Variants in GRID2 observed in about 807,000 individuals in gnomAD.
GRID2 encodes glutamate receptor ionotropic, delta-2.
In GRID2, 33 loss-of-function variants were observed where a neutral mutation model predicts 114.8. The observed-to-expected ratio is 0.29, with a 90% CI of 0.22 to 0.38. GRID2 has a LOEUF of 0.38. Among genes scored for constraint, GRID2 ranks in the 10% least tolerant of loss-of-function variants. The pLI, the probability that GRID2 is intolerant of heterozygous loss-of-function variation, is 1.00. For missense variants in GRID2, 1,184 were observed against 1,257.7 expected, an observed-to-expected ratio of 0.94 and a Z score of 0.89; for synonymous variants, 505 against 449.9, an observed-to-expected ratio of 1.12 and a Z score of -1.55.
intron 14 of GRID2, among the ~76,000 whole-genome samples, chr4:93,760,377 G>T (rs1733103477): frequency 6.6e-6 from 1 of 151,948 alleles, no homozygotes. Flanking sequence ...ACATTGTTTT[G>T]TGAATAAACC....
chr4:92,531,957 T>C (rs1371619362), intron 1 of GRID2, among the ~76,000 whole-genome samples: 4 of 152,166 alleles, frequency 2.6e-5, no homozygotes, highest in African/African-American at 9.7e-5. Flanking sequence ...TTCCAAGATA[T>C]GCCAATGTGT....
At chr4:93,428,176 C>G (rs1769035940) in intron 10 of GRID2, among the ~76,000 whole-genome samples, 1 of 151,904 alleles carries the variant, frequency 6.6e-6, no homozygotes. Context: ...AAGGGCAAGC[C>G]AGTATATTCA....
chr4:93,677,835 A>G (rs1176056609), intron 14 of GRID2, among the ~76,000 whole-genome samples: 1 of 152,160 alleles, frequency 6.6e-6, no homozygotes. Context: ...TGGGGAAAAA[A>G]CAAAGCAGAA....
chr4:92,328,939 A>G (rs1464463847), intron 1 of GRID2, among the ~76,000 whole-genome samples: 2 of 152,002 alleles, frequency 1.3e-5, no homozygotes, highest in African/African-American at 4.8e-5. Context: ...AGCAGAAAAG[A>G]GAAGATTGGA....
chr4:92,660,634 T>G (rs2149268853), intron 2 of GRID2, among the ~76,000 whole-genome samples: 1 of 151,344 alleles, frequency 6.6e-6, no homozygotes, highest in African/African-American at 2.4e-5. Flanking sequence ...TAAAAGGTAA[T>G]TCCTTACTTG....
intron 1 of GRID2, among the ~76,000 whole-genome samples, chr4:92,559,662 C>T (rs918189557): frequency 6.6e-6 from 1 of 152,090 alleles, no homozygotes; most frequent in South Asian, 2.1e-4. Context: ...ACTGTCTATG[C>T]ATAAACAAAG....
chr4:93,480,142 TAGG>T (rs1725706273), intron 11 of GRID2, among the ~76,000 whole-genome samples: 1 of 152,078 alleles, frequency 6.6e-6, no homozygotes. Flanking sequence ...TTTTCTAAAC[TAGG>T]AGAATACTTA....
At chr4:92,957,251 T>A (rs1752472679) in intron 2 of GRID2, among the ~76,000 whole-genome samples, 1 of 152,264 alleles carries the variant, frequency 6.6e-6, no homozygotes, top group African/African-American at 2.4e-5. Flanking sequence ...TGATTTTTTT[T>A]TCTATGTTAT....
At chr4:93,463,786 G>C (rs532252946) in intron 11 of GRID2, among the ~76,000 whole-genome samples, 1 of 152,112 alleles carries the variant, frequency 6.6e-6, no homozygotes, top group East Asian at 2.0e-4. Context: ...TCAGGAGATC[G>C]AGACCATCCT....
At chr4:92,802,406 C>T (rs966493901) in intron 2 of GRID2, among the ~76,000 whole-genome samples, 3 of 151,766 alleles carry the variant, frequency 2.0e-5, no homozygotes, top group African/African-American at 7.3e-5. Flanking sequence ...TAGTGTTATA[C>T]GAAATTGTTT....
In GRID2 at chr4:92,829,224, T is replaced by C. The variant is rs183943934; in HGVS notation, c.244+238938T>C. Among the ~76,000 whole-genome samples the C allele has an allele frequency of 2.0e-5, 3 of 152,326 alleles. No homozygotes were observed. In the East Asian group the frequency reaches 5.8e-4, roughly 29 times the overall value. ...TAAGGAAGGGATCCAGTTTTCTGTT[T>C]TCTGCATATGGCTAGCCAGTTTTCC... On this transcript the variant is annotated intron_variant, in intron 2 of 15. Coordinates refer to ENST00000282020, the MANE Select transcript of GRID2 (RefSeq NM_001510.4).
At chr4:93,456,352 G>T (rs1272483764) in intron 11 of GRID2, among the ~76,000 whole-genome samples, 1 of 152,150 alleles carries the variant, frequency 6.6e-6, no homozygotes. Flanking sequence ...ATTTACATAT[G>T]TAAGAAATGT....
chr4:92,863,453 G>A (rs766777003), intron 2 of GRID2, among the ~76,000 whole-genome samples: 49 of 152,010 alleles, frequency 3.2e-4, no homozygotes, highest in Non-Finnish European at 5.2e-4. Context: ...CAACTAGAAT[G>A]ACAAAAGTGG....
At chr4:93,644,206 ACTGT>A (rs1331672761) in intron 14 of GRID2, among the ~76,000 whole-genome samples, 1 of 90,386 alleles carries the variant, frequency 1.1e-5, no homozygotes, top group East Asian at 2.2e-4. Flanking sequence ...GCCTGCGCCC[ACTGT>A]CTGGCACTCC....
chr4:93,756,584 C>G (rs1476206224), intron 14 of GRID2, among the ~76,000 whole-genome samples: 1 of 152,146 alleles, frequency 6.6e-6, no homozygotes, highest in Non-Finnish European at 1.5e-5. Flanking sequence ...ATGATGGTGT[C>G]TCTTCTGATA....
intron 8 of GRID2, among the ~76,000 whole-genome samples, chr4:93,285,417 G>GA (rs1325153467): frequency 6.6e-6 from 1 of 151,786 alleles, no homozygotes; most frequent in Non-Finnish European, 1.5e-5. Context: ...CATGAAAAAG[G>GA]AAAAAAATAA....
At chr4:93,390,803 ATT>A (rs1360360421) in intron 8 of GRID2, among the ~76,000 whole-genome samples, 2 of 151,968 alleles carry the variant, frequency 1.3e-5, no homozygotes, top group Non-Finnish European at 2.9e-5. Flanking sequence ...ATATGTATAT[ATT>A]TATTCAAATA....
chr4:93,215,685 A>G (rs1162639012), intron 5 of GRID2, among the ~76,000 whole-genome samples: 3 of 152,210 alleles, frequency 2.0e-5, no homozygotes, highest in African/African-American at 4.8e-5. Flanking sequence ...GATCATATAT[A>G]AAGGACGATT....
At position 92,443,761 on chromosome 4, in the gene GRID2, G is replaced by A. The variant is rs375505223; in HGVS notation, c.88+139017G>A. On this transcript the variant is annotated intron_variant, in intron 1 of 15. Transcript: ENST00000282020. ...CTTCCCCAGAAAAGCAGGACTTGCCGCTAAGGGTGAAGGACCAAGGCAGGC... is the reference window on the plus strand; with the variant it reads ...CTTCCCCAGAAAAGCAGGACTTGCCACTAAGGGTGAAGGACCAAGGCAGGC... Among the ~76,000 whole-genome samples, 21 of 152,280 alleles carry A rather than the reference G, an allele frequency of 1.4e-4. No individual in the cohort carries two copies. The South Asian group carries it at 3.7e-3, about 27-fold the overall frequency.
Sources: gnomAD v4.1 joint callset for allele counts (sites outside exome capture counted in the v4.1 genomes callset) on GRCh38, gnomAD v4.1.1 for gene constraint, MANE v1.5 for transcripts, NCBI Gene and HGNC (gene_info 2026-07-23, HGNC 2026-07-21) for gene names.